The following PTPRK variants were observed in gnomAD, a reference collection of about 807,000 sequenced individuals.
PTPRK encodes receptor-type tyrosine-protein phosphatase kappa.
Under a neutral mutation model 178.0 loss-of-function variants are expected in PTPRK, and 75 were observed. That is an observed-to-expected ratio of 0.42 (90% CI 0.35 to 0.51). PTPRK has a LOEUF of 0.51. Ranked by LOEUF, PTPRK falls within the 20% of genes least tolerant of loss-of-function variation. The probability of loss-of-function intolerance (pLI) is 0.02; values close to 1 mark genes in which losing one functional copy is unlikely to be tolerated. For synonymous variants in PTPRK, 637 were observed against 620.6 expected (o/e 1.03, Z -0.39); for missense variants, 1,441 against 1,797.8 (o/e 0.80, Z 3.59).
intron 1 of PTPRK, among the ~76,000 whole-genome samples, chr6:128,485,301 A>G (rs1041035422): frequency 2.0e-5 from 3 of 152,218 alleles, no homozygotes; most frequent in Admixed American, 1.3e-4. Flanking sequence ...TTTAGTCTTC[A>G]TGTAGTTCTG....
chr6:128,306,180 C>G (rs1280798073), intron 3 of PTPRK, among the ~76,000 whole-genome samples: 1 of 152,122 alleles, frequency 6.6e-6, no homozygotes, highest in African/African-American at 2.4e-5. Context: ...TGACACAGAG[C>G]CTAACCATAC....
At chr6:128,318,510 C>T (rs570498095) in intron 3 of PTPRK, among the ~76,000 whole-genome samples, 1 of 152,206 alleles carries the variant, frequency 6.6e-6, no homozygotes, top group South Asian at 2.1e-4. Flanking sequence ...GAGAAAAAGG[C>T]ACTTTCTGCT....
intron 7 of PTPRK, among the ~76,000 whole-genome samples, chr6:128,169,235 T>C (rs1799855307): frequency 6.6e-6 from 1 of 152,100 alleles, no homozygotes; most frequent in Non-Finnish European, 1.5e-5. Context: ...AAAGGATAAC[T>C]ATGGAAGGTG....
intron 1 of PTPRK, among the ~76,000 whole-genome samples, chr6:128,449,935 A>G (rs966714645): frequency 1.1e-5 from 1 of 87,772 alleles, no homozygotes; most frequent in Non-Finnish European, 2.5e-5. Flanking sequence ...GTCTTTACTA[A>G]AAATGCAAAA....
intron 13 of PTPRK, among the ~76,000 whole-genome samples, chr6:128,051,880 T>A (rs116173071): frequency 0.011 from 1,618 of 152,260 alleles, 29 homozygotes; most frequent in African/African-American, 0.037. Flanking sequence ...ATTTTTTTTT[T>A]AATCTCAGCC....
intron 17 of PTPRK, among the ~76,000 whole-genome samples, chr6:127,995,855 T>C (rs995861194): frequency 5.9e-5 from 9 of 152,120 alleles, no homozygotes; most frequent in African/African-American, 2.2e-4. Context: ...ATTTTGCTTT[T>C]TAGTCATGAC....
In PTPRK at chr6:127,985,655, G is replaced by A. The variant is rs905666587; in HGVS notation, c.3251+66C>T. ...CACACATTAGTTTTTGTGCTCAAAA[G>A]CCTTGTCTTGATACTCTAAAAAAAG... On this transcript the variant is annotated intron_variant, in intron 22 of 29. Transcript: ENST00000368226. 4.8e-6 allele frequency: 7 copies of A among 1,456,412 alleles called. No individual in the cohort carries two copies. The African/African-American group carries it at 8.4e-5, about 18-fold the overall frequency. 90.2% of individuals were successfully genotyped at this position (1,456,412 alleles called of 1,614,324 possible).
intron 3 of PTPRK, among the ~76,000 whole-genome samples, chr6:128,257,990 T>C (rs2128292310): frequency 6.6e-6 from 1 of 152,286 alleles, no homozygotes; most frequent in Non-Finnish European, 1.5e-5. Context: ...TTGTCATGGC[T>C]CATAATAAAT....
chr6:128,465,591 T>C (rs187897921), intron 1 of PTPRK, among the ~76,000 whole-genome samples: 65 of 152,334 alleles, frequency 4.3e-4, no homozygotes, highest in Middle Eastern at 3.4e-3. Flanking sequence ...GCTGACTTTA[T>C]CACTTGTCCA....
chr6:128,301,173 C>T (rs1825546486), intron 3 of PTPRK, among the ~76,000 whole-genome samples: 1 of 152,126 alleles, frequency 6.6e-6, no homozygotes, highest in Non-Finnish European at 1.5e-5. Context: ...GGGTGGATAT[C>T]ACTATTTCTA....
intron 15 of PTPRK, among the ~76,000 whole-genome samples, chr6:128,003,582 G>T (rs1234392612): frequency 6.6e-6 from 1 of 151,542 alleles, no homozygotes; most frequent in Non-Finnish European, 1.5e-5. Flanking sequence ...ATTTTTTTCA[G>T]TTATCTGTGG....
intron 7 of PTPRK, among the ~76,000 whole-genome samples, chr6:128,170,507 C>T (rs1800078153): frequency 6.6e-6 from 1 of 151,942 alleles, no homozygotes; most frequent in Non-Finnish European, 1.5e-5. Flanking sequence ...GTAATATTTC[C>T]TAAATCAATC....
At chr6:128,463,544 T>G (rs556269629) in intron 1 of PTPRK, among the ~76,000 whole-genome samples, 12 of 152,106 alleles carry the variant, frequency 7.9e-5, no homozygotes, top group African/African-American at 2.7e-4. Context: ...CCATCAGCAT[T>G]TAGCTCTATA....
intron 6 of PTPRK, among the ~76,000 whole-genome samples, chr6:128,216,543 A>T (rs751833327): frequency 7.0e-5 from 8 of 115,088 alleles, no homozygotes; most frequent in African/African-American, 1.6e-4. Flanking sequence ...TCAGAAAAAT[A>T]AAAAAAAAAA....
chr6:128,191,781 T>C (rs1019060449), intron 6 of PTPRK, among the ~76,000 whole-genome samples: 2 of 152,104 alleles, frequency 1.3e-5, no homozygotes, highest in Non-Finnish European at 2.9e-5. Flanking sequence ...AGCTCAACAA[T>C]GTAGAAAATA....
At chr6:128,159,510 C>A (rs539943142) in intron 7 of PTPRK, among the ~76,000 whole-genome samples, 9 of 151,842 alleles carry the variant, frequency 5.9e-5, no homozygotes, top group African/African-American at 1.7e-4. Context: ...TTCCTACTCA[C>A]GGGTTGTAAG....
chr6:128,012,991 C>T lies in PTPRK; in HGVS notation c.2195-3723G>A, dbSNP rs186484758. 1.1e-3 allele frequency among the ~76,000 whole-genome samples: 160 copies of T among 149,064 alleles called. 1 individual carries two copies. The highest frequency in any genetic ancestry group is 3.7e-3 in the African/African-American group (153 of 41,208). On this transcript the variant is annotated intron_variant, in intron 13 of 29. Transcript: ENST00000368226. ...TCCCAATCATTCTTTAAAATCCTAC[C>T]GGCAGGCTTATGTCCCCCATCCACA...
intron 1 of PTPRK, among the ~76,000 whole-genome samples, chr6:128,482,144 C>A (rs1344478010): frequency 6.6e-6 from 1 of 152,114 alleles, no homozygotes; most frequent in Non-Finnish European, 1.5e-5. Context: ...ATTGACTCTG[C>A]CGGCCCTAAT....
At chr6:128,090,903 T>A (rs888835711) in intron 7 of PTPRK, among the ~76,000 whole-genome samples, 3 of 152,212 alleles carry the variant, frequency 2.0e-5, no homozygotes, top group African/African-American at 4.8e-5. Context: ...GGATTTCCGA[T>A]GCCTCTCTTA....
Sources: gnomAD v4.1 joint callset for allele counts (sites outside exome capture counted in the v4.1 genomes callset) on GRCh38, gnomAD v4.1.1 for gene constraint, MANE v1.5 for transcripts, NCBI Gene and HGNC (gene_info 2026-07-23, HGNC 2026-07-21) for gene names.